Variants in PPP2R2C observed in about 807,000 individuals in gnomAD.
PPP2R2C encodes protein phosphatase 2 regulatory subunit Bgamma.
Under a neutral mutation model 45.3 loss-of-function variants are expected in PPP2R2C, and 10 were observed. The observed-to-expected ratio is 0.22, with a 90% CI of 0.14 to 0.37. The LOEUF (loss-of-function observed/expected upper bound fraction) is 0.37. Among genes scored for constraint, PPP2R2C ranks in the 10% least tolerant of loss-of-function variants. PPP2R2C has a pLI of 1.00. For missense variants in PPP2R2C, 308 were observed against 619.7 expected, an observed-to-expected ratio of 0.50 and a Z score of 5.34; for synonymous variants, 257 against 245.4, an observed-to-expected ratio of 1.05 and a Z score of -0.44.
chr4:6,407,714 T>C (rs1288146452), intron 1 of PPP2R2C, among the ~76,000 whole-genome samples: 5 of 152,160 alleles, frequency 3.3e-5, no homozygotes, highest in South Asian at 2.1e-4. Context: ...AACCCAACAT[T>C]TAGAAGTCAA....
intron 1 of PPP2R2C, among the ~76,000 whole-genome samples, chr4:6,539,453 C>G: frequency 6.6e-6 from 1 of 152,222 alleles, no homozygotes; most frequent in East Asian, 1.9e-4. Flanking sequence ...GGCACTCACA[C>G]ATGTATTGTG....
intron 2 of PPP2R2C, among the ~76,000 whole-genome samples, chr4:6,523,809 C>T (rs1724102177): frequency 6.6e-6 from 1 of 152,248 alleles, no homozygotes; most frequent in Non-Finnish European, 1.5e-5. Context: ...ACAATGGAAA[C>T]ACCCTAAGTA....
chr4:6,346,280 G>T (rs776885889), intron 6 of PPP2R2C, among the ~76,000 whole-genome samples: 1 of 152,138 alleles, frequency 6.6e-6, no homozygotes, highest in Non-Finnish European at 1.5e-5. Context: ...AGCTCAGCCA[G>T]AACAAAACCC....
intron 1 of PPP2R2C, among the ~76,000 whole-genome samples, chr4:6,470,840 G>A (rs1190719004): frequency 6.6e-6 from 1 of 152,002 alleles, no homozygotes; most frequent in African/African-American, 2.4e-5. Flanking sequence ...ACCCGGCGGC[G>A]AAGCGTGCGT....
At chr4:6,512,980 A>G (rs1353110483) in intron 2 of PPP2R2C, among the ~76,000 whole-genome samples, 1 of 152,166 alleles carries the variant, frequency 6.6e-6, no homozygotes, top group Non-Finnish European at 1.5e-5. Flanking sequence ...AGGATAAAAA[A>G]AAATACTTCA....
chr4:6,511,170 GA>G (rs2108801701), intron 2 of PPP2R2C, among the ~76,000 whole-genome samples: 1 of 152,284 alleles, frequency 6.6e-6, no homozygotes, highest in East Asian at 1.9e-4. Context: ...TGTTACATGA[GA>G]AAAACACGCA....
chr4:6,532,942 G>A (rs1046153731), intron 2 of PPP2R2C, among the ~76,000 whole-genome samples: 15 of 152,208 alleles, frequency 9.9e-5, no homozygotes, highest in African/African-American at 2.9e-4. Context: ...AGTGGGAGGC[G>A]AGCTCAACAC....
chr4:6,397,737 T>C (rs1314361802), intron 1 of PPP2R2C, among the ~76,000 whole-genome samples: 1 of 152,236 alleles, frequency 6.6e-6, no homozygotes, highest in East Asian at 1.9e-4. Context: ...CTCAGTTTCC[T>C]TATCCATAAA....
chr4:6,345,820 C>T lies in PPP2R2C; in HGVS notation c.790+2026G>A, dbSNP rs947143887. ...ACGCAGCCCCGAGCCCCCTGCACCC[C>T]GGGAATCTCAGCTGGTCTCCAGCCT... On this transcript the variant is annotated intron_variant, in intron 6 of 8. Coordinates refer to ENST00000382599, the MANE Select transcript of PPP2R2C (RefSeq NM_020416.4). This position sits in a 1 kb window ranked among gnomAD's most constrained non-coding sequence, Gnocchi z 5.3. 7.2e-5 allele frequency among the ~76,000 whole-genome samples: 11 copies of T among 152,292 alleles called. No individual in the cohort carries two copies. The highest frequency in any genetic ancestry group is 1.7e-4 in the African/African-American group (7 of 41,554).
intron 2 of PPP2R2C, among the ~76,000 whole-genome samples, chr4:6,519,213 G>A (rs1723934521): frequency 6.6e-6 from 1 of 152,144 alleles, no homozygotes; most frequent in Non-Finnish European, 1.5e-5. Flanking sequence ...AGCTATGTTG[G>A]GAGACCAAGT....
In PPP2R2C at chr4:6,356,721, C is replaced by T. The variant is rs950776119; in HGVS notation, c.626-8711G>A. Among the ~76,000 whole-genome samples the T allele has an allele frequency of 2.6e-5, 4 of 152,246 alleles. No individual in the cohort carries two copies. The South Asian group carries it at 6.2e-4, about 24-fold the overall frequency. On this transcript the variant is annotated intron_variant, in intron 5 of 8. Transcript: ENST00000382599. ...CTGAGAAGGTCTGCGGCCTGTTCTG[C>T]CTGGCTGCCAGGGACCCTGGGTTCC...
intron 1 of PPP2R2C, among the ~76,000 whole-genome samples, chr4:6,385,954 G>T (rs181946280): frequency 6.6e-6 from 1 of 152,250 alleles, no homozygotes; most frequent in East Asian, 1.9e-4. Context: ...GTTGTCTCTA[G>T]CCTTGACCAG....
chr4:6,377,287 G>A (rs1715395162), intron 3 of PPP2R2C, among the ~76,000 whole-genome samples: 2 of 152,200 alleles, frequency 1.3e-5, no homozygotes, highest in African/African-American at 4.8e-5. Flanking sequence ...GACCCCAGAA[G>A]GGAGATGTGT....
intron 2 of PPP2R2C, among the ~76,000 whole-genome samples, chr4:6,526,625 G>A (rs940112351): frequency 4.6e-5 from 7 of 152,170 alleles, no homozygotes; most frequent in Admixed American, 1.3e-4. Flanking sequence ...CCTGGGCAGC[G>A]AGAATGTCCA....
chr4:6,352,365 A>G (rs1034907820), intron 5 of PPP2R2C, among the ~76,000 whole-genome samples: 1 of 152,086 alleles, frequency 6.6e-6, no homozygotes, highest in African/African-American at 2.4e-5. Flanking sequence ...AGGTGGCCCC[A>G]CCCCAGCTTC....
chr4:6,534,896 G>A (rs536885645), intron 2 of PPP2R2C, among the ~76,000 whole-genome samples: 2 of 152,370 alleles, frequency 1.3e-5, no homozygotes, highest in African/African-American at 4.8e-5. Flanking sequence ...GACCCCAGGG[G>A]CCGGCCCAGT....
intron 1 of PPP2R2C, among the ~76,000 whole-genome samples, chr4:6,426,609 GC>G (rs144056823): frequency 0.049 from 7,447 of 152,248 alleles, 312 homozygotes; most frequent in Non-Finnish European, 0.071. Flanking sequence ...GCTACAATAT[GC>G]CCACCTTATT....
intron 1 of PPP2R2C, among the ~76,000 whole-genome samples, chr4:6,455,184 A>C (rs1050670465): frequency 2.0e-5 from 3 of 152,186 alleles, no homozygotes; most frequent in Non-Finnish European, 4.4e-5. Context: ...TCACCCAAAC[A>C]AAAATGTTTT....
intron 6 of PPP2R2C, among the ~76,000 whole-genome samples, chr4:6,338,391 C>A (rs1388267757): frequency 6.6e-6 from 1 of 152,232 alleles, no homozygotes; most frequent in Admixed American, 6.5e-5. Context: ...CACAGAGAGC[C>A]TTCCCCACCC....
Sources: allele counts gnomAD v4.1 joint callset (sites outside exome capture counted in the v4.1 genomes callset), GRCh38; gene constraint gnomAD v4.1.1; non-coding constraint Gnocchi (gnomAD v3.1); transcripts MANE v1.5; gene names NCBI Gene and HGNC (gene_info 2026-07-23, HGNC 2026-07-21).